Variants in FMN1 observed in about 807,000 individuals in gnomAD.
The protein encoded by FMN1 is formin 1.
A neutral mutation model predicts 132.4 loss-of-function variants in FMN1; 110 were observed. The ratio of observed to expected loss-of-function variants is 0.83; its 90% CI spans 0.71 to 0.97. FMN1 has a LOEUF of 0.97. FMN1 is among the 50% of genes least tolerant of loss of function. The pLI, the probability that FMN1 is intolerant of heterozygous loss-of-function variation, is 0.00. For synonymous variants in FMN1, 722 were observed against 651.7 expected (o/e 1.11, Z -1.64); for missense variants, 1,792 against 1,705.3 (o/e 1.05, Z -0.90).
chr15:33,103,176 T>C (rs915928210), intron 4 of FMN1, among the ~76,000 whole-genome samples: 1 of 152,096 alleles, frequency 6.6e-6, no homozygotes, highest in Non-Finnish European at 1.5e-5. Context: ...TTTCAGGTGA[T>C]AAGATCTACT....
At chr15:32,789,983 G>T (rs1036637147) in intron 19 of FMN1, among the ~76,000 whole-genome samples, 1 of 152,110 alleles carries the variant, frequency 6.6e-6, no homozygotes, top group African/African-American at 2.4e-5. Context: ...TATAATGTTC[G>T]CACAATGATG....
chr15:33,175,982 G>T (rs1031279155), intron 3 of FMN1, among the ~76,000 whole-genome samples: 4 of 152,184 alleles, frequency 2.6e-5, no homozygotes, highest in African/African-American at 9.7e-5. Flanking sequence ...AGATCAATAT[G>T]TAAAGACGTG....
intron 7 of FMN1, among the ~76,000 whole-genome samples, chr15:32,978,993 G>C (rs2032428081): frequency 6.6e-6 from 1 of 152,142 alleles, no homozygotes. Flanking sequence ...TGGTGTAAAA[G>C]ATGAAACTTA....
intron 6 of FMN1, among the ~76,000 whole-genome samples, chr15:33,023,271 A>C (rs1263363232): frequency 6.6e-6 from 1 of 152,034 alleles, no homozygotes; most frequent in African/African-American, 2.4e-5. Context: ...ACTTAAAAAA[A>C]AAATCATCCT....
chr15:32,792,288 A>AG (rs1436405930), intron 19 of FMN1, among the ~76,000 whole-genome samples: 1 of 150,942 alleles, frequency 6.6e-6, no homozygotes, highest in Non-Finnish European at 1.5e-5. Flanking sequence ...AAAAAAAAAA[A>AG]AAAAAAATTA....
intron 7 of FMN1, among the ~76,000 whole-genome samples, chr15:33,003,732 C>G (rs2034250338): frequency 6.6e-6 from 1 of 152,164 alleles, no homozygotes; most frequent in Non-Finnish European, 1.5e-5. Context: ...GCCCGCATTG[C>G]CAAGTCAATC....
rs78905126 is a variant in FMN1 at position 32,928,859 on chromosome 15, T to C, written c.3139-2598A>G. Among the ~76,000 whole-genome samples, 411 of 152,302 alleles carry C rather than the reference T, an allele frequency of 2.7e-3. 2 individuals are homozygous for C. Among genetic ancestry groups the C allele is most frequent in the African/African-American group, 9.5e-3 (393 of 41,566 alleles). On this transcript the variant is annotated intron_variant, in intron 9 of 20. Coordinates refer to ENST00000616417, the MANE Select transcript of FMN1 (RefSeq NM_001277313.2). ...TACTCTGCCTACAAGAAAGGTAATG[T>C]ACAAATGCACATTTCTCTGTTAGCT...
intron 10 of FMN1, among the ~76,000 whole-genome samples, chr15:32,919,804 G>A (rs955559552): frequency 2.0e-5 from 3 of 152,114 alleles, no homozygotes; most frequent in East Asian, 1.9e-4. Context: ...AATTCATTAC[G>A]TTTTAGACAA....
rs1173798666 is a variant in FMN1 at position 32,765,813 on chromosome 15, T to C, written c.*8497A>G. On this transcript the variant is annotated 3_prime_UTR_variant, in exon 21 of 21. Coordinates refer to ENST00000616417, the MANE Select transcript of FMN1 (RefSeq NM_001277313.2). ...AGGAGGAAAAAATATATATATATAA[T>C]ACACACATTTTTATTATGTACAAAT... 2 of 152,092 alleles carry C rather than the reference T, an allele frequency of 1.3e-5. No individual in the cohort carries two copies. Among genetic ancestry groups the C allele is most frequent in the African/African-American group, 4.8e-5 (2 of 41,386 alleles). 9.4% of individuals were successfully genotyped at this position (152,092 alleles called of 1,614,324 possible).
At chr15:33,143,975 A>C (rs1676597506) in intron 4 of FMN1, among the ~76,000 whole-genome samples, 1 of 152,204 alleles carries the variant, frequency 6.6e-6, no homozygotes, top group South Asian at 2.1e-4. Flanking sequence ...TATCGCCTTG[A>C]TAGAAATATG....
In FMN1 at chr15:32,888,236, CAGAA is replaced by C; in HGVS notation, c.3767_3770del (p.Phe1256TrpfsTer11). On this transcript the variant is annotated frameshift_variant, in exon 16 of 21. Transcript: ENST00000616417. LOFTEE classifies it high-confidence loss of function. ...GGTCTTCAAACTTGACTTGGGAGGC[CAGAA>C]AGAAATCCTGTGGTTCCGGCAAGGG... 6.2e-7 allele frequency: 1 copy of C among 1,612,928 alleles called. No homozygotes were observed. Among genetic ancestry groups the C allele is most frequent in the Non-Finnish European group, 8.5e-7 (1 of 1,179,414 alleles).
chr15:33,122,858 A>G (rs1300744546), intron 4 of FMN1, among the ~76,000 whole-genome samples: 6 of 152,210 alleles, frequency 3.9e-5, no homozygotes, highest in African/African-American at 1.2e-4. Context: ...AGAGATTGAC[A>G]TAGTATAGGC....
chr15:32,919,981 T>G (rs1433457517), intron 10 of FMN1, among the ~76,000 whole-genome samples: 1 of 152,210 alleles, frequency 6.6e-6, no homozygotes, highest in Non-Finnish European at 1.5e-5. Context: ...ATGTTGCAGC[T>G]GATCTCTCAA....
chr15:33,034,769 C>G (rs2036112669), intron 6 of FMN1, among the ~76,000 whole-genome samples: 1 of 152,086 alleles, frequency 6.6e-6, no homozygotes, highest in African/African-American at 2.4e-5. Flanking sequence ...ATAATGATTT[C>G]CTTGTAATTG....
At chr15:33,092,890 G>A (rs900485188) in intron 4 of FMN1, among the ~76,000 whole-genome samples, 1 of 152,132 alleles carries the variant, frequency 6.6e-6, no homozygotes, top group Non-Finnish European at 1.5e-5. Context: ...GCAAGGATCT[G>A]AAAAATCAAG....
At chr15:33,091,984 AC>A (rs1187136598) in intron 4 of FMN1, among the ~76,000 whole-genome samples, 1 of 152,162 alleles carries the variant, frequency 6.6e-6, no homozygotes, top group Admixed American at 6.5e-5. Flanking sequence ...CATACTACAA[AC>A]CTGTTTTGTA....
chr15:33,070,155 G>A (rs774216095), intron 5 of FMN1, among the ~76,000 whole-genome samples: 4 of 151,500 alleles, frequency 2.6e-5, no homozygotes, highest in South Asian at 2.1e-4. Flanking sequence ...ACAGGAATGC[G>A]CTAGCACACC....
rs2057586153 is a variant in FMN1, at chr15:32,804,372, T to C, written c.3929-40A>G. ...TCATGATTAAAAATTTTTTCTTCTGTTGTCTCCTTTGCGTAATCTTACAGC... is the reference window on the plus strand; with the variant it reads ...TCATGATTAAAAATTTTTTCTTCTGCTGTCTCCTTTGCGTAATCTTACAGC... On this transcript the variant is annotated intron_variant, in intron 17 of 20. Transcript: ENST00000616417. The C allele has an allele frequency of 3.1e-6, 4 of 1,290,210 alleles. No homozygotes were observed. The South Asian group carries it at 5.1e-5, about 16-fold the overall frequency. 79.9% of individuals were successfully genotyped at this position (1,290,210 alleles called of 1,614,324 possible).
intron 16 of FMN1, among the ~76,000 whole-genome samples, chr15:32,874,857 C>A (rs2059601887): frequency 6.6e-6 from 1 of 151,886 alleles, no homozygotes; most frequent in African/African-American, 2.4e-5. Context: ...TTCTTTGATA[C>A]CCGGAGATTT....
Sources: gnomAD v4.1 joint callset for allele counts (sites outside exome capture counted in the v4.1 genomes callset) on GRCh38, gnomAD v4.1.1 for gene constraint, MANE v1.5 for transcripts, NCBI Gene and HGNC (gene_info 2026-07-23, HGNC 2026-07-21) for gene names.